NEO1: variants seen among roughly 807,000 people sequenced by gnomAD.
NEO1 encodes neogenin 1, also known as neogenin.
In NEO1, 63 loss-of-function variants were observed where a neutral mutation model predicts 159.7. The observed-to-expected ratio is 0.39, with a 90% CI of 0.32 to 0.49. The LOEUF (loss-of-function observed/expected upper bound fraction) is 0.49. Among genes scored for constraint, NEO1 ranks in the 20% least tolerant of loss-of-function variants. NEO1 has a pLI of 0.85. For synonymous variants in NEO1, 633 were observed against 662.0 expected (o/e 0.96, Z 0.67); for missense variants, 1,615 against 1,831.0 (o/e 0.88, Z 2.15).
At position 73,283,124 on chromosome 15, in the gene NEO1, A is replaced by G; in HGVS notation, c.3410+13A>G. On this transcript the variant is annotated intron_variant, in intron 23 of 28. Transcript: ENST00000261908. Reference sequence around the variant, plus strand: ...CTCACCAGAAAAAGTAAGAAGCCCCAGATGCACCCCTTAGATTTTTGGCAT... The same window carrying G: ...CTCACCAGAAAAAGTAAGAAGCCCCGGATGCACCCCTTAGATTTTTGGCAT... 1 of 1,613,878 alleles carries G rather than the reference A, an allele frequency of 6.2e-7. No homozygotes were observed. The highest frequency in any genetic ancestry group is 1.1e-5 in the South Asian group (1 of 91,046).
intron 5 of NEO1, among the ~76,000 whole-genome samples, chr15:73,146,419 A>G (rs2032902583): frequency 6.6e-6 from 1 of 152,200 alleles, no homozygotes; most frequent in African/African-American, 2.4e-5. Context: ...ATATTTCAGA[A>G]TTTCACTTTA....
intron 1 of NEO1, among the ~76,000 whole-genome samples, chr15:73,081,498 A>C (rs965440308): frequency 1.3e-5 from 2 of 152,166 alleles, no homozygotes; most frequent in African/African-American, 4.8e-5. Flanking sequence ...GGACTAACTT[A>C]TCAGGGTTGA....
intron 1 of NEO1, among the ~76,000 whole-genome samples, chr15:73,116,283 C>T (rs2071307010): frequency 6.6e-6 from 1 of 152,084 alleles, no homozygotes; most frequent in African/African-American, 2.4e-5. Flanking sequence ...ATTAGATACT[C>T]ATGTCATTTA....
chr15:73,132,420 T>C (rs549724898), intron 4 of NEO1, among the ~76,000 whole-genome samples: 3 of 152,312 alleles, frequency 2.0e-5, no homozygotes, highest in African/African-American at 7.2e-5. Context: ...CCCTAAGACC[T>C]GAAACCATAA....
chr15:73,251,349 TA>T (rs999182505), intron 11 of NEO1, among the ~76,000 whole-genome samples: 17 of 151,366 alleles, frequency 1.1e-4, no homozygotes, highest in Admixed American at 3.3e-4. Context: ...CATCTCTACT[TA>T]AAAAATAATA....
intron 7 of NEO1, among the ~76,000 whole-genome samples, chr15:73,235,659 A>G (rs966944993): frequency 6.6e-6 from 1 of 152,236 alleles, no homozygotes; most frequent in Non-Finnish European, 1.5e-5. Flanking sequence ...TGTCCTAGCT[A>G]AATGAATTGA....
At chr15:73,266,722 A>C (rs1872465111) in intron 16 of NEO1, among the ~76,000 whole-genome samples, 1 of 152,124 alleles carries the variant, frequency 6.6e-6, no homozygotes, top group Non-Finnish European at 1.5e-5. Context: ...TGGGCATGTG[A>C]GTTGAAACTA....
intron 2 of NEO1, among the ~76,000 whole-genome samples, chr15:73,120,246 G>A (rs2071565118): frequency 6.6e-6 from 1 of 151,654 alleles, no homozygotes; most frequent in Non-Finnish European, 1.5e-5. Context: ...ATCAAATTCT[G>A]TGTTTATCTT....
chr15:73,066,242 G>GTCTAGA (rs1555420542), intron 1 of NEO1, among the ~76,000 whole-genome samples: 2 of 149,734 alleles, frequency 1.3e-5, no homozygotes, highest in Non-Finnish European at 3.0e-5. Flanking sequence ...AGCCAGGATG[G>GTCTAGA]TCTCCTGACC....
At chr15:73,106,050 T>C (rs1018006709) in intron 1 of NEO1, among the ~76,000 whole-genome samples, 1 of 152,196 alleles carries the variant, frequency 6.6e-6, no homozygotes, top group African/African-American at 2.4e-5. Context: ...AAAGTTTCCT[T>C]TCTAAATAGA....
intron 7 of NEO1, among the ~76,000 whole-genome samples, chr15:73,191,767 A>T (rs1280345628): frequency 6.6e-6 from 1 of 152,036 alleles, no homozygotes; most frequent in Non-Finnish European, 1.5e-5. Flanking sequence ...ACTTGCACTA[A>T]AATATTTTAA....
At chr15:73,056,464 C>T (rs953998699) in intron 1 of NEO1, among the ~76,000 whole-genome samples, 3 of 152,146 alleles carry the variant, frequency 2.0e-5, no homozygotes, top group East Asian at 3.8e-4. Flanking sequence ...AGGGGTTGGC[C>T]GGGTTGTCTT....
At chr15:73,063,793 T>G (rs889947074) in intron 1 of NEO1, among the ~76,000 whole-genome samples, 1 of 152,128 alleles carries the variant, frequency 6.6e-6, no homozygotes, top group African/African-American at 2.4e-5. Flanking sequence ...AGAGGGGTGA[T>G]GATGATGATG....
chr15:73,075,262 G>C (rs1057086458), intron 1 of NEO1, among the ~76,000 whole-genome samples: 1 of 152,162 alleles, frequency 6.6e-6, no homozygotes, highest in African/African-American at 2.4e-5. Context: ...GAAAGGGACA[G>C]AGGGAAGGAT....
intron 5 of NEO1, among the ~76,000 whole-genome samples, chr15:73,136,295 T>C (rs1003419338): frequency 1.3e-5 from 2 of 152,180 alleles, no homozygotes; most frequent in Admixed American, 1.3e-4. Flanking sequence ...ATTTGAGGGT[T>C]AAAAGAGCTA....
intron 7 of NEO1, among the ~76,000 whole-genome samples, chr15:73,226,989 A>G (rs548105801): frequency 2.8e-3 from 429 of 152,328 alleles, no homozygotes; most frequent in Non-Finnish European, 4.7e-3. Context: ...CCAAGGGTGC[A>G]ACATGCCTAG....
At position 73,273,204 on chromosome 15, in the gene NEO1, C is replaced by G. The variant is rs141031184; in HGVS notation, c.2966-607C>G. On this transcript the variant is annotated intron_variant, in intron 19 of 28. Transcript: ENST00000261908. ...ATGGAAGCCTGATGGGGTTCAGCTG[C>G]TCTTACTTCCTTTGGCGCCTCTGGC... Among the ~76,000 whole-genome samples, 978 of 152,240 alleles carry G rather than the reference C, an allele frequency of 6.4e-3. 10 individuals are homozygous for G. The highest frequency in any genetic ancestry group is 0.044 in the Middle Eastern group (13 of 294).
In NEO1 at chr15:73,153,138, C is replaced by A. The variant is rs573302893; in HGVS notation, c.1015+17111C>A. On this transcript the variant is annotated intron_variant, in intron 5 of 28. Coordinates refer to ENST00000261908, the MANE Select transcript of NEO1 (RefSeq NM_002499.4). The stretch of plus-strand genomic sequence containing the variant: ...GAGAAGATCAGTGTCCCAACTGGAA[C>A]AGGCAGAAAACAATTTCAGCCTTTT... Among the ~76,000 whole-genome samples, 4 of 152,292 alleles carry A rather than the reference C, an allele frequency of 2.6e-5. No individual in the cohort carries two copies. In the East Asian group the frequency reaches 7.7e-4, roughly 29 times the overall value.
At chr15:73,097,231 A>G (rs1034616155) in intron 1 of NEO1, among the ~76,000 whole-genome samples, 1 of 152,234 alleles carries the variant, frequency 6.6e-6, no homozygotes, top group African/African-American at 2.4e-5. Flanking sequence ...ATTGCTTACA[A>G]AAATGTTTTG....
Sources: gnomAD v4.1 joint callset for allele counts (sites outside exome capture counted in the v4.1 genomes callset) on GRCh38, gnomAD v4.1.1 for gene constraint, MANE v1.5 for transcripts, NCBI Gene and HGNC (gene_info 2026-07-23, HGNC 2026-07-21) for gene names.